ATG2B: variants seen among roughly 807,000 people sequenced by gnomAD.
ATG2B encodes the protein autophagy related 2B.
In ATG2B, 121 loss-of-function variants were observed where a neutral mutation model predicts 241.3. That is an observed-to-expected ratio of 0.50 (90% CI 0.43 to 0.58). The LOEUF is 0.58. ATG2B is among the 20% of genes least tolerant of loss of function. The probability of loss-of-function intolerance (pLI) is 0.00; values close to 1 mark genes in which losing one functional copy is unlikely to be tolerated. For synonymous variants in ATG2B, 858 were observed against 876.6 expected, an observed-to-expected ratio of 0.98 and a Z score of 0.37; for missense variants, 2,306 against 2,491.6, an observed-to-expected ratio of 0.93 and a Z score of 1.59.
intron 11 of ATG2B, among the ~76,000 whole-genome samples, chr14:96,329,875 G>T (rs1348830692): frequency 6.6e-6 from 1 of 152,092 alleles, no homozygotes; most frequent in Non-Finnish European, 1.5e-5. Flanking sequence ...ACATTGCAAA[G>T]GCAAAATCTT....
At chr14:96,308,241 T>TATATATAC (rs1887023411) in intron 29 of ATG2B, among the ~76,000 whole-genome samples, 3 of 14,940 alleles carry the variant, frequency 2.0e-4, no homozygotes, top group South Asian at 1.2e-3. Flanking sequence ...CATATATATA[T>TATATATAC]ATATATATAT....
chr14:96,295,702 G>A, intron 34 of ATG2B, 142 bp from the exon 35 acceptor site: 2 of 408,912 alleles, frequency 4.9e-6, no homozygotes, highest in East Asian at 4.6e-5. Context: ...CTCCATGCTA[G>A]TCATTATTCC....
intron 30 of ATG2B, 32 bp from the exon 31 acceptor site, chr14:96,305,847 C>A: frequency 6.5e-7 from 1 of 1,548,768 alleles, no homozygotes; most frequent in Non-Finnish European, 8.9e-7. Context: ...CACATACTCT[C>A]TTTTCTAATT....
At chr14:96,349,701 A>G (rs1888263061) in intron 1 of ATG2B, among the ~76,000 whole-genome samples, 1 of 152,210 alleles carries the variant, frequency 6.6e-6, no homozygotes. Context: ...ATTTACTGAG[A>G]TACAGAAACA....
chr14:96,312,020 T>C, intron 26 of ATG2B, 69 bp downstream of exon 26: 1 of 1,170,422 alleles, frequency 8.5e-7, no homozygotes. Context: ...AGAGTTAAAA[T>C]GCTTTAAAAT....
At position 96,345,506 on chromosome 14, in the gene ATG2B, A is replaced by G. The variant is rs10145015; in HGVS notation, c.326-121T>C. 660,931 of 691,716 alleles carry G rather than the reference A, an allele frequency of 0.96. 318,735 individuals are homozygous for G. The highest frequency in any genetic ancestry group is 0.99 in the Non-Finnish European group (453,479 of 458,428). The allele number at this position is 691,716 out of a possible 1,614,324, so 42.8% of individuals were successfully genotyped here. ...CTTTTAAGAGATTTTTAACATCATG[A>G]TGTTACCCAGGTAAACAATATTCTA... is the stretch of plus-strand genomic sequence containing the variant. On this transcript the variant is annotated intron_variant, in intron 2 of 41. Coordinates refer to ENST00000359933, the MANE Select transcript of ATG2B (RefSeq NM_018036.7).
At chr14:96,302,633 G>A (rs1325180637) in intron 33 of ATG2B, among the ~76,000 whole-genome samples, 4 of 152,076 alleles carry the variant, frequency 2.6e-5, no homozygotes, top group African/African-American at 9.7e-5. Flanking sequence ...AATTGCAAAT[G>A]GATAATGTTG....
At position 96,290,246 on chromosome 14, in the gene ATG2B, C is replaced by A; in HGVS notation, c.5856+190G>T. The A allele has an allele frequency of 8.1e-7, 1 of 1,241,022 alleles. No individual in the cohort carries two copies. Among genetic ancestry groups the A allele is most frequent in the South Asian group, 2.0e-5 (1 of 49,680 alleles). 76.9% of individuals were successfully genotyped at this position (1,241,022 alleles called of 1,614,324 possible). A position where few individuals can be genotyped will look rare whatever the true frequency, so the allele number is the denominator to read the frequency against. Reference sequence around the variant, plus strand: ...AGGCAAACAAATCTGACACTGTATTCCACTGCTTTATTCTAATTATTTAAC... The same window carrying A: ...AGGCAAACAAATCTGACACTGTATTACACTGCTTTATTCTAATTATTTAAC... On this transcript the variant is annotated intron_variant, in intron 40 of 41. Transcript: ENST00000359933. The surrounding 1 kb of genome is among the most constrained non-coding windows in gnomAD (Gnocchi z 4.4).
intron 28 of ATG2B, among the ~76,000 whole-genome samples, 166 bp downstream of exon 28, chr14:96,310,951 A>G (rs1887136106): frequency 6.6e-6 from 1 of 152,240 alleles, no homozygotes; most frequent in Admixed American, 6.5e-5. Context: ...TGGTTTTCCA[A>G]AAAGGCCCAT....
intron 14 of ATG2B, among the ~76,000 whole-genome samples, chr14:96,327,083 AAACTT>A (rs1039298228): frequency 2.0e-5 from 3 of 152,128 alleles, no homozygotes; most frequent in African/African-American, 7.2e-5. Context: ...CAAAATATAA[AAACTT>A]AACCGGGTGT....
At position 96,306,933 on chromosome 14, in the gene ATG2B, C is replaced by G; in HGVS notation, c.4304-17G>C. 1.2e-6 allele frequency: 2 copies of G among 1,604,698 alleles called. No individual in the cohort carries two copies. The highest frequency in any genetic ancestry group is 1.7e-6 in the Non-Finnish European group (2 of 1,174,856). ...CCAAAACACCTAGATAAAAAGATTA[C>G]AACATTTTGGCACACTTTGAAATAT... On this transcript the variant is annotated splice_polypyrimidine_tract_variant and intron_variant, in intron 29 of 41. Coordinates refer to ENST00000359933, the MANE Select transcript of ATG2B (RefSeq NM_018036.7).
chr14:96,295,040 T>C lies in ATG2B; in HGVS notation c.5346A>G (p.Ser1782=), dbSNP rs751061610. Reference sequence around the variant, plus strand: ...CTTCCATGCCATTAACCACTTCCACTGAATTGGCACTATCATTTTGGGAAG... The same window carrying C: ...CTTCCATGCCATTAACCACTTCCACCGAATTGGCACTATCATTTTGGGAAG... ...KQPSQNDSAN[S]VEVVNGMEEK... The change falls in exon 36 of 42, where the codon TCA becomes TCG. Residue 1782 remains serine, a synonymous_variant. Transcript: ENST00000359933. The C allele has an allele frequency of 3.1e-6, 5 of 1,614,204 alleles. No homozygotes were observed. Among genetic ancestry groups the C allele is most frequent in the Non-Finnish European group, 4.2e-6 (5 of 1,180,016 alleles).
At chr14:96,342,574 T>C (rs1323585432) in intron 5 of ATG2B, among the ~76,000 whole-genome samples, 3 of 151,718 alleles carry the variant, frequency 2.0e-5, no homozygotes, top group Non-Finnish European at 1.5e-5. Context: ...ATACAAAAAT[T>C]AGCCGGGCAT....
rs1887318662 is a variant in ATG2B at position 96,316,573 on chromosome 14, G to A, written c.3321C>T (p.Tyr1107=). 6.2e-7 allele frequency: 1 copy of A among 1,613,676 alleles called. No homozygotes were observed. The highest frequency in any genetic ancestry group is 8.5e-7 in the Non-Finnish European group (1 of 1,179,800). The change falls in exon 21 of 42, where the codon TAC becomes TAT. Residue 1107 remains tyrosine, a synonymous_variant. Coordinates refer to ENST00000359933, the MANE Select transcript of ATG2B (RefSeq NM_018036.7). ...TGAAACTGCTAGAATGAAGGCAAATGTAGTGCTTGTCATCAAAACCTTCAT... is the reference window on the plus strand; with the variant it reads ...TGAAACTGCTAGAATGAAGGCAAATATAGTGCTTGTCATCAAAACCTTCAT... The part of the protein sequence containing the change: ...TKYEGFDDKH[Y]ICLHSSSFSL...
intron 31 of ATG2B, 33 bp downstream of exon 31, chr14:96,305,556 C>G (rs755093276): frequency 2.8e-6 from 4 of 1,420,420 alleles, no homozygotes; most frequent in Non-Finnish European, 3.9e-6. Context: ...ATATATTGGC[C>G]TCCCAAATAA....
intron 1 of ATG2B, among the ~76,000 whole-genome samples, chr14:96,358,827 G>C (rs1010018662): frequency 8.6e-5 from 13 of 151,886 alleles, no homozygotes; most frequent in African/African-American, 3.1e-4. Flanking sequence ...GGAGACACCT[G>C]AACTACTCAG....
chr14:96,313,073 A>G lies in ATG2B; in HGVS notation c.3834T>C (p.Ser1278=). The G allele has an allele frequency of 6.2e-7, 1 of 1,604,810 alleles. No homozygotes were observed. Among genetic ancestry groups the G allele is most frequent in the African/African-American group, 1.3e-5 (1 of 74,842 alleles). The change falls in exon 25 of 42, where the codon TCT becomes TCC. Residue 1278 remains serine (S), a synonymous_variant. Transcript: ENST00000359933. ...SSSVALDKSS[S]TLRIILDEAA... ...GAAGTTTACACAGGTACCTGAGAGT[A>G]GAGGAAGATTTATCCAATGCAACGC...
chr14:96,285,718 C>A lies in ATG2B; in HGVS notation c.*37G>T. The stretch of plus-strand genomic sequence containing the variant: ...CTGTCAGGACTCTGAGCTCCTGGTT[C>A]CACTCTCCTTATCTTCACACTGTCA... On this transcript the variant is annotated 3_prime_UTR_variant, in exon 42 of 42. Transcript: ENST00000359933. This position sits in a 1 kb window ranked among gnomAD's most constrained non-coding sequence, Gnocchi z 4.2. The A allele has an allele frequency of 1.3e-6, 2 of 1,589,008 alleles. No individual in the cohort carries two copies. Among genetic ancestry groups the A allele is most frequent in the South Asian group, 1.1e-5 (1 of 90,270 alleles).
At chr14:96,303,775 C>G (rs922104631) in intron 32 of ATG2B, among the ~76,000 whole-genome samples, 1 of 152,184 alleles carries the variant, frequency 6.6e-6, no homozygotes, top group Non-Finnish European at 1.5e-5. Flanking sequence ...CTACCATACA[C>G]AGAGAAGCTT....
Sources: gnomAD v4.1 joint callset for allele counts (sites outside exome capture counted in the v4.1 genomes callset) on GRCh38, gnomAD v4.1.1 for gene constraint, Gnocchi (gnomAD v3.1) non-coding constraint, MANE v1.5 for transcripts, NCBI Gene and HGNC (gene_info 2026-07-23, HGNC 2026-07-21) for gene names.